Variants in EEF2KMT observed in about 807,000 individuals in gnomAD.
The protein encoded by EEF2KMT is protein-lysine N-methyltransferase EEF2KMT.
In EEF2KMT, 30 loss-of-function variants were observed where a neutral mutation model predicts 35.1. The observed-to-expected ratio is 0.85, with a 90% CI of 0.64 to 1.16. The LOEUF is 1.16. EEF2KMT is among the 50% of genes most tolerant of loss of function. The probability of loss-of-function intolerance (pLI) is 0.00; values close to 1 mark genes in which losing one functional copy is unlikely to be tolerated. For synonymous variants in EEF2KMT, 190 were observed against 187.7 expected, an observed-to-expected ratio of 1.01 and a Z score of -0.10; for missense variants, 499 against 438.2, an observed-to-expected ratio of 1.14 and a Z score of -1.24.
rs1957324011 is a variant in EEF2KMT at position 5,090,658 on chromosome 16, T to C, written c.343-93A>G. The C allele has an allele frequency of 6.6e-7, 1 of 1,524,496 alleles. No homozygotes were observed. The highest frequency in any genetic ancestry group is 9.0e-7 in the Non-Finnish European group (1 of 1,114,410). 94.4% of individuals were successfully genotyped at this position (1,524,496 alleles called of 1,614,324 possible). ...CCCCACCACATGGCTGAATAAACCATGACAGGACCAATCGCCACTCAGCAA... is the reference window on the plus strand; with the variant it reads ...CCCCACCACATGGCTGAATAAACCACGACAGGACCAATCGCCACTCAGCAA... On this transcript the variant is annotated intron_variant, in intron 4 of 7. Transcript: ENST00000427587. The surrounding 1 kb of genome is among the most constrained non-coding windows in gnomAD (Gnocchi z 4.1).
intron 3 of EEF2KMT, among the ~76,000 whole-genome samples, 192 bp downstream of exon 3, chr16:5,093,292 A>C (rs1957379971): frequency 6.6e-6 from 1 of 152,184 alleles, no homozygotes; most frequent in South Asian, 2.1e-4. Flanking sequence ...AGTGAGGGAG[A>C]GATGCTGGCC....
Position 5,095,465 on chromosome 16 carries a change from T to C in EEF2KMT, c.146A>G (p.Asp49Gly), listed in dbSNP as rs371812270. 5.3e-5 allele frequency: 85 copies of C among 1,611,712 alleles called. No homozygotes were observed. The East Asian group carries it at 1.6e-3, about 30-fold the overall frequency. The change falls in exon 2 of 8, where the codon GAT becomes GGT. Residue 49 changes from aspartate to glycine, a missense_variant. Transcript: ENST00000427587. ...TGGGATTCTTACCTTGTGCAAAATA[T>C]CCCGCAGCAGCTCAGAATCTGATGA... ...RDSSDSELLR[D>G]ILHKTVKHPV...
intron 7 of EEF2KMT, among the ~76,000 whole-genome samples, chr16:5,086,178 T>C (rs1176457638): frequency 1.3e-5 from 2 of 151,976 alleles, no homozygotes; most frequent in African/African-American, 2.4e-5. Flanking sequence ...TCTACAAAAA[T>C]ACAGAAATTA....
At chr16:5,093,722 C>T (rs543163707) in intron 2 of EEF2KMT, among the ~76,000 whole-genome samples, 158 bp from the exon 3 acceptor site, 1 of 152,330 alleles carries the variant, frequency 6.6e-6, no homozygotes, top group South Asian at 2.1e-4. Context: ...TGAAGTTTGT[C>T]TTAAGATATA....
chr16:5,096,083 C>G (rs1957457595), intron 1 of EEF2KMT, among the ~76,000 whole-genome samples: 5 of 152,102 alleles, frequency 3.3e-5, no homozygotes, highest in Admixed American at 3.3e-4. Flanking sequence ...GCTCACTCCA[C>G]TCCAGCCACA....
In EEF2KMT at chr16:5,093,545, C is replaced by T. The variant is rs972472116; in HGVS notation, c.179G>A (p.Cys60Tyr). The T allele has an allele frequency of 1.2e-6, 2 of 1,612,036 alleles. No individual in the cohort carries two copies. The highest frequency in any genetic ancestry group is 1.3e-5 in the African/African-American group (1 of 74,984). ...ILHKTVKHPV[C>Y]VKHPPSVKYA... ...TTTGACGGACGGCGGGTGCTTCACA[C>T]ACACAGGATGCTTCACAGTCTACGG... Residue 60 changes from cysteine to tyrosine, a missense_variant, in exon 3 of 8, where the codon TGT becomes TAT. Coordinates refer to ENST00000427587, the MANE Select transcript of EEF2KMT (RefSeq NM_201400.4).
At chr16:5,091,377 C>T (rs35424527) in intron 4 of EEF2KMT, among the ~76,000 whole-genome samples, 44,791 of 152,042 alleles carry the variant, frequency 0.29, 7,317 homozygotes, top group Middle Eastern at 0.45. Flanking sequence ...CCACCACGCC[C>T]GGCCTGATTT....
At chr16:5,095,111 CA>C (rs1164520729) in intron 2 of EEF2KMT, among the ~76,000 whole-genome samples, 2 of 152,060 alleles carry the variant, frequency 1.3e-5, no homozygotes, top group South Asian at 4.1e-4. Context: ...CTCATGAAAG[CA>C]AAAAAGAAAG....
Position 5,093,565 on chromosome 16 carries a change from C to T in EEF2KMT, c.160-1G>A, listed in dbSNP as rs1338553865. The T allele has an allele frequency of 6.2e-7, 1 of 1,612,022 alleles. No individual in the cohort carries two copies. The highest frequency in any genetic ancestry group is 1.7e-5 in the Admixed American group (1 of 60,014). On this transcript the variant is annotated splice_acceptor_variant, in intron 2 of 7. Transcript: ENST00000427587. LOFTEE classifies it high-confidence loss of function. ...TCACACACACAGGATGCTTCACAGT[C>T]TACGGCAAAGGACAGAACGTTGGTT...
intron 1 of EEF2KMT, among the ~76,000 whole-genome samples, chr16:5,096,027 C>T (rs182469425): frequency 2.6e-5 from 4 of 152,066 alleles, no homozygotes; most frequent in Admixed American, 2.6e-4. Context: ...AGACCTGGTC[C>T]TAATCCCTCT....
At position 5,097,634 on chromosome 16, in the gene EEF2KMT, C is replaced by T. The variant is rs1232920594; in HGVS notation, c.96+10G>A. 2 of 1,552,288 alleles carry T rather than the reference C, an allele frequency of 1.3e-6. No individual in the cohort carries two copies. Among genetic ancestry groups the T allele is most frequent in the Non-Finnish European group, 8.7e-7 (1 of 1,155,498 alleles). On this transcript the variant is annotated intron_variant, in intron 1 of 7. Coordinates refer to ENST00000427587, the MANE Select transcript of EEF2KMT (RefSeq NM_201400.4). ...GCCCCGCGGGCCTCTCCGCTCGCCC[C>T]GCCGCCCACCTGCCAGGGGAAGGAG...
At position 5,091,878 on chromosome 16, in the gene EEF2KMT, T is replaced by C. The variant is rs145490745; in HGVS notation, c.258A>G (p.Thr86=). The change falls in exon 4 of 8, where the codon ACA becomes ACG. Residue 86 remains threonine (T), a synonymous_variant. Transcript: ENST00000427587. ...ELIKKHEAVH[T]EPLDELYEAL... Reference sequence around the variant, plus strand: ...CTTCATACAGCTCGTCCAAAGGCTCTGTGTGGACAGCCTCGTGCTGGGGGC... The same window carrying C: ...CTTCATACAGCTCGTCCAAAGGCTCCGTGTGGACAGCCTCGTGCTGGGGGC... 9 of 1,611,762 alleles carry C rather than the reference T, an allele frequency of 5.6e-6. No individual in the cohort carries two copies. The highest frequency in any genetic ancestry group is 7.6e-6 in the Non-Finnish European group (9 of 1,179,768).
chr16:5,085,632 C>T lies in EEF2KMT; in HGVS notation c.993G>A (p.Ter331=), dbSNP rs1337048855. Residue 331 remains the stop codon, a stop_retained_variant, in exon 8 of 8, where the codon TAG becomes TAA. Coordinates refer to ENST00000427587, the MANE Select transcript of EEF2KMT (RefSeq NM_201400.4). The part of the protein sequence containing the change: ...LEMAMLNLTL[*] ...ATCCCGTTGGAGTCGTGTGTGAGTCCTACAGGGTGAGATTCAGCATTGCCA... is the reference window on the plus strand; with the variant it reads ...ATCCCGTTGGAGTCGTGTGTGAGTCTTACAGGGTGAGATTCAGCATTGCCA... 6 of 1,602,484 alleles carry T rather than the reference C, an allele frequency of 3.7e-6. No individual in the cohort carries two copies. Among genetic ancestry groups the T allele is most frequent in the East Asian group, 4.5e-5 (2 of 44,846 alleles).
intron 2 of EEF2KMT, among the ~76,000 whole-genome samples, chr16:5,095,215 C>T (rs1334593638): frequency 6.6e-6 from 1 of 152,242 alleles, no homozygotes; most frequent in Non-Finnish European, 1.5e-5. Context: ...CTAGATTCCC[C>T]CCTCTCATTG....
chr16:5,097,772 C>A lies in EEF2KMT; in HGVS notation c.-33G>T. 6.5e-7 allele frequency: 1 copy of A among 1,537,352 alleles called. No homozygotes were observed. Among genetic ancestry groups the A allele is most frequent in the Non-Finnish European group, 8.7e-7 (1 of 1,147,624 alleles). On this transcript the variant is annotated 5_prime_UTR_variant, in exon 1 of 8. Transcript: ENST00000427587. Reference sequence around the variant, plus strand: ...GCGGGGCCGCAGCGTTGCCGGCAGACCGGGCGGAAGCCCGGCCTGGACTGA... The same window carrying A: ...GCGGGGCCGCAGCGTTGCCGGCAGAACGGGCGGAAGCCCGGCCTGGACTGA...
At chr16:5,094,720 G>A (rs1057088035) in intron 2 of EEF2KMT, among the ~76,000 whole-genome samples, 2 of 120,568 alleles carry the variant, frequency 1.7e-5, no homozygotes, top group Non-Finnish European at 3.2e-5. Flanking sequence ...TGCTGTGGCT[G>A]TATCTTTTCC....
rs1244444191 is a variant in EEF2KMT, at chr16:5,084,464, C to T, written c.*1168G>A. ...TGGGTGAGACTGCGTTGGCCAGAGGCCGAGAGGAGGGTGCTCACAGGGGAA... is the reference window on the plus strand; with the variant it reads ...TGGGTGAGACTGCGTTGGCCAGAGGTCGAGAGGAGGGTGCTCACAGGGGAA... On this transcript the variant is annotated 3_prime_UTR_variant, in exon 8 of 8. Transcript: ENST00000427587. The T allele has an allele frequency of 8.7e-6, 5 of 573,310 alleles. No individual in the cohort carries two copies. The highest frequency in any genetic ancestry group is 1.6e-5 in the Non-Finnish European group (5 of 321,432). The allele number at this position is 573,310 out of a possible 1,614,324, so 35.5% of individuals were successfully genotyped here. A position where few individuals can be genotyped will look rare whatever the true frequency, so the allele number is the denominator to read the frequency against.
chr16:5,089,866 G>A (rs1206644413), intron 6 of EEF2KMT, among the ~76,000 whole-genome samples: 1 of 152,236 alleles, frequency 6.6e-6, no homozygotes, highest in South Asian at 2.1e-4. Flanking sequence ...CGACTGGAAC[G>A]GGAGTATGCC....
chr16:5,087,251 T>C (rs1957214153), intron 7 of EEF2KMT: 1 of 152,232 alleles, frequency 6.6e-6, no homozygotes, highest in Non-Finnish European at 1.5e-5. Context: ...TCGTACTGTT[T>C]GAAGAAAGTT....
Sources: gnomAD v4.1 joint callset for allele counts (sites outside exome capture counted in the v4.1 genomes callset) on GRCh38, gnomAD v4.1.1 for gene constraint, Gnocchi (gnomAD v3.1) non-coding constraint, MANE v1.5 for transcripts, NCBI Gene and HGNC (gene_info 2026-07-23, HGNC 2026-07-21) for gene names.